The following FRMD6 variants were observed in gnomAD, a reference collection of about 807,000 sequenced individuals.
FRMD6 encodes FERM domain-containing protein 6.
FRMD6 carries 37 observed loss-of-function variants against 73.2 expected under a neutral mutation model. The ratio of observed to expected loss-of-function variants is 0.51; its 90% confidence interval spans 0.39 to 0.66. The LOEUF is 0.66. Ranked by LOEUF, FRMD6 falls within the 30% of genes least tolerant of loss-of-function variation. FRMD6 has a pLI of 0.00. For synonymous variants in FRMD6, 273 were observed against 282.2 expected (o/e 0.97, Z 0.33); for missense variants, 714 against 780.5 (o/e 0.91, Z 1.02).
intron 1 of FRMD6, among the ~76,000 whole-genome samples, chr14:51,498,635 T>C (rs1380192014): frequency 6.6e-6 from 1 of 152,202 alleles, no homozygotes; most frequent in African/African-American, 2.4e-5. Flanking sequence ...TCTTTCATCC[T>C]TCAGGAGGCT....
chr14:51,628,877 C>CTTTTTTTTTTTTT (rs371915919), intron 2 of FRMD6, among the ~76,000 whole-genome samples: 13 of 95,302 alleles, frequency 1.4e-4, no homozygotes, highest in African/African-American at 2.5e-4. Flanking sequence ...CTTTTCTTTT[C>CTTTTTTTTTTTTT]TTTTTTTTTT....
rs1895410991 is a variant in FRMD6, at chr14:51,689,736, G to T, written c.-101G>T. ...AACACCGTGATGCTTCTCCTGCAGG[G>T]CGTGTGATGAGGAGGCGAGCTTGGC... On this transcript the variant is annotated 5_prime_UTR_variant, in exon 2 of 14. Transcript: ENST00000344768. 1.3e-5 allele frequency: 10 copies of T among 753,520 alleles called. No homozygotes were observed. The highest frequency in any genetic ancestry group is 2.0e-5 in the Non-Finnish European group (8 of 407,404). The allele number at this position is 753,520 out of a possible 1,614,324, so 46.7% of individuals were successfully genotyped here.
At chr14:51,656,954 A>C (rs1164464200) in intron 1 of FRMD6, among the ~76,000 whole-genome samples, 2 of 152,224 alleles carry the variant, frequency 1.3e-5, no homozygotes, top group African/African-American at 2.4e-5. Context: ...TGTTTTATAC[A>C]ACTTTGAGCA....
At chr14:51,432,713 C>G in the FRMD6 span, among the ~76,000 whole-genome samples, 80,749 of 151,966 alleles carry the variant, frequency 0.53, 21,880 homozygotes, top group East Asian at 0.67. Context: ...GGTTAAGACA[C>G]CAACCAAACT....
intron 1 of FRMD6, among the ~76,000 whole-genome samples, chr14:51,493,481 C>T (rs1883128669): frequency 6.6e-6 from 1 of 152,114 alleles, no homozygotes. Context: ...AAGGGGAGTT[C>T]CCCTGCACAT....
At chr14:51,726,595 A>C (rs1399135383) in intron 13 of FRMD6, among the ~76,000 whole-genome samples, 2 of 152,056 alleles carry the variant, frequency 1.3e-5, no homozygotes, top group Admixed American at 6.6e-5. Context: ...AGTAACCATA[A>C]TGTGAAAATG....
chr14:51,635,382 T>A (rs1042736787), intron 2 of FRMD6, among the ~76,000 whole-genome samples: 2 of 152,134 alleles, frequency 1.3e-5, no homozygotes, highest in Non-Finnish European at 2.9e-5. Flanking sequence ...CAGGACCCTA[T>A]CTTTTTAAAA....
At chr14:51,614,771 G>C (rs561989443) in intron 2 of FRMD6, among the ~76,000 whole-genome samples, 16 of 152,284 alleles carry the variant, frequency 1.1e-4, no homozygotes, top group African/African-American at 3.6e-4. Flanking sequence ...TAATTGGACT[G>C]CTGGGATGAT....
In FRMD6 at chr14:51,520,485, A is replaced by C. The variant is rs767529712; in HGVS notation, c.-210+31065A>C. 3.5e-4 allele frequency among the ~76,000 whole-genome samples: 53 copies of C among 152,266 alleles called. 1 individual carries two copies. Among genetic ancestry groups the C allele is most frequent in the Non-Finnish European group, 7.3e-5 (5 of 68,052 alleles). ...ATATATGTCTACACAAAATTTGTAC[A>C]CAAATGTTTATAACAGCTTTATCCT... On this transcript the variant is annotated intron_variant, in intron 1 of 14. Transcript: ENST00000356218.
chr14:51,712,731 T>A (rs569722817), intron 9 of FRMD6, among the ~76,000 whole-genome samples, 180 bp downstream of exon 9: 16 of 152,330 alleles, frequency 1.1e-4, no homozygotes, highest in Non-Finnish European at 2.1e-4. Context: ...TGCTATAGAT[T>A]CTTTGTCACA....
the FRMD6 span, among the ~76,000 whole-genome samples, chr14:51,424,927 C>T: frequency 6.6e-6 from 1 of 152,230 alleles, no homozygotes; most frequent in African/African-American, 2.4e-5. Context: ...TAGTCACTCA[C>T]AAGAGGACAA....
chr14:51,513,761 C>G (rs1884458830), intron 1 of FRMD6, among the ~76,000 whole-genome samples: 1 of 147,624 alleles, frequency 6.8e-6, no homozygotes, highest in South Asian at 2.2e-4. Flanking sequence ...AATTCCATGT[C>G]TCCCTGTATC....
intron 2 of FRMD6, among the ~76,000 whole-genome samples, chr14:51,694,644 C>T (rs763260067): frequency 2.0e-5 from 3 of 152,110 alleles, no homozygotes; most frequent in Non-Finnish European, 4.4e-5. Flanking sequence ...GAGTTGTGAT[C>T]GTGCCACTGC....
At chr14:51,527,407 A>G (rs925542026) in intron 1 of FRMD6, among the ~76,000 whole-genome samples, 1 of 152,256 alleles carries the variant, frequency 6.6e-6, no homozygotes, top group Admixed American at 6.5e-5. Flanking sequence ...CCAAACATCC[A>G]TAGTTGGGGC....
At chr14:51,684,039 A>G (rs894837517) in intron 1 of FRMD6, among the ~76,000 whole-genome samples, 5 of 152,164 alleles carry the variant, frequency 3.3e-5, no homozygotes, top group Admixed American at 3.3e-4. Context: ...TTTATAGGTA[A>G]AATGGTAACT....
chr14:51,443,945 T>TTTG, the FRMD6 span, among the ~76,000 whole-genome samples: 22 of 150,686 alleles, frequency 1.5e-4, no homozygotes, highest in African/African-American at 5.1e-4. Flanking sequence ...AGTTGTGAGT[T>TTTG]TTTTTTTTTT....
At chr14:51,725,627 C>A in intron 12 of FRMD6, 152 bp from the exon 13 acceptor site, 1 of 592,634 alleles carries the variant, frequency 1.7e-6, no homozygotes, top group Non-Finnish European at 3.1e-6. Flanking sequence ...GTGTGCTGTT[C>A]TGGTTGTCTG....
the FRMD6 span, among the ~76,000 whole-genome samples, chr14:51,405,661 TTATTTGTTTTCTCTTGTA>T: frequency 8.5e-5 from 13 of 152,102 alleles, no homozygotes; most frequent in East Asian, 1.9e-4. Flanking sequence ...TTTAATGGGG[TTATTTGTTTTCTCTTGTA>T]TATTTGTTTT....
At chr14:51,566,027 T>A (rs1566817621) in intron 1 of FRMD6, among the ~76,000 whole-genome samples, 1 of 152,004 alleles carries the variant, frequency 6.6e-6, no homozygotes, top group Admixed American at 6.6e-5. Context: ...TAGCCGGGTG[T>A]GGTGGCGGGC....
Sources: gnomAD v4.1 joint callset for allele counts (sites outside exome capture counted in the v4.1 genomes callset) on GRCh38, gnomAD v4.1.1 for gene constraint, MANE v1.5 for transcripts, NCBI Gene and HGNC (gene_info 2026-07-23, HGNC 2026-07-21) for gene names.